The following DAB1 variants were observed in gnomAD, a reference collection of about 807,000 sequenced individuals.
DAB1 encodes the protein DAB adaptor protein 1, also known as disabled homolog 1.
In DAB1, 15 loss-of-function variants were observed where a neutral mutation model predicts 64.6. The ratio of observed to expected loss-of-function variants is 0.23; its 90% CI spans 0.16 to 0.36. The LOEUF is 0.36. Among genes scored for constraint, DAB1 ranks in the 10% least tolerant of loss-of-function variants. DAB1 has a pLI of 1.00. For synonymous variants in DAB1, 235 were observed against 251.9 expected (o/e 0.93, Z 0.64); for missense variants, 596 against 706.7 (o/e 0.84, Z 1.78).
chr1:57,138,523 T>A (rs896229166), intron 3 of DAB1, among the ~76,000 whole-genome samples: 1 of 152,166 alleles, frequency 6.6e-6, no homozygotes, highest in Non-Finnish European at 1.5e-5. Context: ...CTCCAGCAAC[T>A]GCTCTCTAAA....
intron 14 of DAB1, among the ~76,000 whole-genome samples, chr1:57,005,091 T>C (rs973692171): frequency 2.6e-5 from 4 of 152,184 alleles, no homozygotes; most frequent in Non-Finnish European, 5.9e-5. Context: ...GATAATCCCT[T>C]AGGGATTGAC....
At chr1:58,481,266 CAA>C (rs1645477705) in intron 3 of DAB1, 6 of 457,758 alleles carry the variant, frequency 1.3e-5, no homozygotes, top group African/African-American at 2.0e-5. Flanking sequence ...CCATGTAAAA[CAA>C]AGAATGTATT....
intron 4 of DAB1, among the ~76,000 whole-genome samples, chr1:58,342,806 C>T (rs1643955018): frequency 6.6e-6 from 1 of 152,200 alleles, no homozygotes; most frequent in Middle Eastern, 3.4e-3. Flanking sequence ...CCCCTATCGC[C>T]ACCCCATAGA....
intron 7 of DAB1, among the ~76,000 whole-genome samples, chr1:57,449,074 T>C (rs1337752708): frequency 5.3e-5 from 8 of 152,140 alleles, no homozygotes; most frequent in Admixed American, 1.3e-4. Context: ...GTTTAAAGGC[T>C]ATGACCGAGT....
chr1:57,953,238 G>A (rs1202792), intron 5 of DAB1, among the ~76,000 whole-genome samples: 99 of 152,276 alleles, frequency 6.5e-4, no homozygotes, highest in African/African-American at 2.2e-3. Flanking sequence ...ACAAGTCCTC[G>A]TGTCAAATAC....
At chr1:58,241,859 T>C (rs1660312129) in intron 4 of DAB1, among the ~76,000 whole-genome samples, 1 of 152,086 alleles carries the variant, frequency 6.6e-6, no homozygotes, top group Non-Finnish European at 1.5e-5. Context: ...TTACTTCATA[T>C]ACACTAATGG....
At chr1:57,689,780 T>G (rs918309882) in intron 6 of DAB1, among the ~76,000 whole-genome samples, 1 of 152,150 alleles carries the variant, frequency 6.6e-6, no homozygotes, top group Non-Finnish European at 1.5e-5. Context: ...TTATACTCTT[T>G]CAGTTTTTTA....
intron 1 of DAB1, among the ~76,000 whole-genome samples, chr1:57,842,565 G>T (rs1045422064): frequency 1.2e-4 from 18 of 152,282 alleles, no homozygotes; most frequent in Admixed American, 7.2e-4. Context: ...AGTTCTGAAT[G>T]GCTGGGGAGG....
At chr1:57,305,863 G>C (rs951309305) in intron 1 of DAB1, among the ~76,000 whole-genome samples, 1 of 151,660 alleles carries the variant, frequency 6.6e-6, no homozygotes, top group Admixed American at 6.6e-5. Context: ...CAGCTACTCA[G>C]GAGGCTGAGG....
chr1:57,174,437 C>T (rs1447157135), intron 2 of DAB1, among the ~76,000 whole-genome samples: 1 of 152,154 alleles, frequency 6.6e-6, no homozygotes, highest in Non-Finnish European at 1.5e-5. Context: ...TTATTCCCAG[C>T]AGGCTCATAA....
At chr1:58,263,442 A>T (rs1479464191) in intron 4 of DAB1, among the ~76,000 whole-genome samples, 10 of 152,166 alleles carry the variant, frequency 6.6e-5, no homozygotes, top group Non-Finnish European at 1.5e-4. Context: ...CTCAGGGCAA[A>T]AAGGGGCTCT....
chr1:57,962,587 A>G (rs950093828), intron 5 of DAB1, among the ~76,000 whole-genome samples: 4 of 152,198 alleles, frequency 2.6e-5, no homozygotes, highest in African/African-American at 9.6e-5. Context: ...AATCCCAGGA[A>G]GAGGCCAGGT....
At chr1:58,125,451 T>C (rs1653005717) in intron 5 of DAB1, among the ~76,000 whole-genome samples, 1 of 151,900 alleles carries the variant, frequency 6.6e-6, no homozygotes, top group South Asian at 2.1e-4. Context: ...CTTTTTTTTT[T>C]TTTTTTCGAG....
intron 4 of DAB1, among the ~76,000 whole-genome samples, chr1:58,274,958 C>G (rs1367540503): frequency 3.5e-5 from 3 of 86,042 alleles, no homozygotes; most frequent in African/African-American, 2.1e-4. Context: ...GCAGAAATCA[C>G]CGGTCTTCTG....
chr1:58,224,158 C>T (rs563817614), intron 4 of DAB1, among the ~76,000 whole-genome samples: 2 of 152,306 alleles, frequency 1.3e-5, no homozygotes, highest in South Asian at 4.2e-4. Flanking sequence ...AATCCTTGCT[C>T]TTCCAATTAT....
intron 2 of DAB1, among the ~76,000 whole-genome samples, chr1:57,223,824 CA>C (rs1557972790): frequency 1.3e-5 from 2 of 152,150 alleles, no homozygotes; most frequent in African/African-American, 4.8e-5. Context: ...GTCCTGCTGC[CA>C]CAGCCTCAGG....
chr1:58,452,090 G>A (rs1314057634), intron 3 of DAB1, among the ~76,000 whole-genome samples: 2 of 151,874 alleles, frequency 1.3e-5, no homozygotes, highest in African/African-American at 2.4e-5. Flanking sequence ...GAGCCAACAC[G>A]TCAGGCCAAT....
chr1:57,776,489 T>C (rs1649805207), intron 6 of DAB1, among the ~76,000 whole-genome samples: 1 of 151,856 alleles, frequency 6.6e-6, no homozygotes, highest in South Asian at 2.1e-4. Flanking sequence ...ATGCTATTTG[T>C]TTCCATCTGT....
chr1:57,090,893 A>T (rs1653598902), intron 4 of DAB1, among the ~76,000 whole-genome samples: 1 of 152,176 alleles, frequency 6.6e-6, no homozygotes, highest in South Asian at 2.1e-4. Context: ...GCAGCATTAG[A>T]GTCTCATAGG....
Sources: gnomAD v4.1 joint callset for allele counts (sites outside exome capture counted in the v4.1 genomes callset) on GRCh38, gnomAD v4.1.1 for gene constraint, MANE v1.5 for transcripts, NCBI Gene and HGNC (gene_info 2026-07-23, HGNC 2026-07-21) for gene names.